Variants in SYT16 observed in about 807,000 individuals in gnomAD.
SYT16 encodes the protein synaptotagmin-16.
Under a neutral mutation model 61.4 loss-of-function variants are expected in SYT16, and 42 were observed. The ratio of observed to expected loss-of-function variants is 0.68; its 90% confidence interval spans 0.53 to 0.89. The LOEUF (loss-of-function observed/expected upper bound fraction) is 0.89, where lower values mean the gene tolerates loss of function less well. Among genes scored for constraint, SYT16 ranks in the 40% least tolerant of loss-of-function variants. The probability of loss-of-function intolerance (pLI) is 0.00; values close to 1 mark genes in which losing one functional copy is unlikely to be tolerated. For synonymous variants in SYT16, 314 were observed against 302.3 expected (o/e 1.04, Z -0.40); for missense variants, 804 against 807.3 (o/e 1.00, Z 0.05).
chr14:62,100,206 A>T (rs1178506357), intron 7 of SYT16, among the ~76,000 whole-genome samples, 188 bp from the exon 8 acceptor site: 3 of 152,204 alleles, frequency 2.0e-5, no homozygotes, highest in Non-Finnish European at 2.9e-5. Flanking sequence ...TATTCAAGGT[A>T]ATAATTCCCT....
intron 3 of SYT16, among the ~76,000 whole-genome samples, chr14:62,035,637 G>A (rs1018984788): frequency 6.6e-6 from 1 of 152,160 alleles, no homozygotes; most frequent in African/African-American, 2.4e-5. Flanking sequence ...GTTGTTCCAC[G>A]CATTGCTTTG....
At chr14:61,819,461 TG>T (rs1261182980) in intron 1 of SYT16, among the ~76,000 whole-genome samples, 1 of 152,254 alleles carries the variant, frequency 6.6e-6, no homozygotes, top group Non-Finnish European at 1.5e-5. Flanking sequence ...TTTACATTTA[TG>T]GATGGATATT....
chr14:61,939,790 A>G (rs2050138102), intron 1 of SYT16, among the ~76,000 whole-genome samples: 1 of 152,156 alleles, frequency 6.6e-6, no homozygotes, highest in South Asian at 2.1e-4. Context: ...AAAAGGACGA[A>G]TGGAAGGACA....
chr14:61,855,631 GA>G (rs1158161770), intron 1 of SYT16, among the ~76,000 whole-genome samples: 1 of 152,120 alleles, frequency 6.6e-6, no homozygotes, highest in African/African-American at 2.4e-5. Flanking sequence ...CTGTAATGTT[GA>G]AAAAAATCTT....
intron 3 of SYT16, among the ~76,000 whole-genome samples, chr14:62,008,079 T>G (rs559451848): frequency 6.6e-6 from 1 of 152,216 alleles, no homozygotes; most frequent in South Asian, 2.1e-4. Flanking sequence ...CTGAGGAATA[T>G]TCTTACCTGT....
chr14:61,920,843 G>A (rs80212533), intron 1 of SYT16, among the ~76,000 whole-genome samples: 4,608 of 152,274 alleles, frequency 0.03, 91 homozygotes, highest in African/African-American at 0.049. Context: ...TTACAGGTGA[G>A]GAAATTGAGG....
At chr14:62,001,075 T>A (rs563759610) in intron 3 of SYT16, among the ~76,000 whole-genome samples, 2 of 152,084 alleles carry the variant, frequency 1.3e-5, no homozygotes, top group African/African-American at 2.4e-5. Context: ...AAATAATTTT[T>A]AAAAACCCCT....
At chr14:61,946,140 A>G (rs2050425756) in intron 1 of SYT16, among the ~76,000 whole-genome samples, 1 of 152,166 alleles carries the variant, frequency 6.6e-6, no homozygotes, top group Non-Finnish European at 1.5e-5. Context: ...GCAAACCACC[A>G]TGGCACGTGT....
At chr14:61,917,953 G>T (rs1485901919) in intron 1 of SYT16, among the ~76,000 whole-genome samples, 2 of 152,158 alleles carry the variant, frequency 1.3e-5, no homozygotes, top group Non-Finnish European at 2.9e-5. Context: ...ATGCTTTCGT[G>T]CATGAAATGA....
At chr14:61,943,105 C>T (rs765682840) in intron 1 of SYT16, among the ~76,000 whole-genome samples, 3 of 152,074 alleles carry the variant, frequency 2.0e-5, no homozygotes, top group Non-Finnish European at 4.4e-5. Flanking sequence ...TATAAACACC[C>T]CTACACAAAT....
At chr14:61,829,869 TGGTCTC>T (rs2045885154) in intron 1 of SYT16, among the ~76,000 whole-genome samples, 1 of 152,078 alleles carries the variant, frequency 6.6e-6, no homozygotes, top group Non-Finnish European at 1.5e-5. Context: ...TTAGCCAGGA[TGGTCTC>T]GATCTCCTGA....
chr14:61,902,337 C>T (rs901494730), intron 1 of SYT16, among the ~76,000 whole-genome samples: 13 of 152,184 alleles, frequency 8.5e-5, no homozygotes, highest in African/African-American at 2.2e-4. Flanking sequence ...TTCTCCCATG[C>T]GCCTGATAAA....
chr14:61,946,970 G>A (rs1040912474), intron 1 of SYT16, among the ~76,000 whole-genome samples: 2 of 152,108 alleles, frequency 1.3e-5, no homozygotes, highest in Admixed American at 1.3e-4. Context: ...AGAGCCATGA[G>A]CTTCCCAGCC....
intron 1 of SYT16, among the ~76,000 whole-genome samples, chr14:61,860,674 G>A (rs776982641): frequency 1.3e-4 from 20 of 152,216 alleles, no homozygotes; most frequent in Admixed American, 2.0e-4. Context: ...AAGAGGCACT[G>A]GGCCAAGAGA....
At chr14:61,949,888 A>G (rs2050601323) in intron 1 of SYT16, among the ~76,000 whole-genome samples, 1 of 152,332 alleles carries the variant, frequency 6.6e-6, no homozygotes, top group East Asian at 1.9e-4. Flanking sequence ...CTTGCTATGA[A>G]ATCAGGGCTT....
At chr14:61,888,838 C>G (rs1012423981) in intron 1 of SYT16, among the ~76,000 whole-genome samples, 2 of 148,464 alleles carry the variant, frequency 1.3e-5, no homozygotes, top group Non-Finnish European at 3.0e-5. Flanking sequence ...CAAGATATAT[C>G]TATTTTTTTC....
At chr14:61,973,637 C>T (rs1180670208) in intron 2 of SYT16, among the ~76,000 whole-genome samples, 4 of 152,018 alleles carry the variant, frequency 2.6e-5, no homozygotes, top group Non-Finnish European at 4.4e-5. Context: ...AAGAATATTT[C>T]GGTTGTTTTG....
At chr14:62,051,274 T>C (rs1012390848) in intron 3 of SYT16, among the ~76,000 whole-genome samples, 3 of 152,246 alleles carry the variant, frequency 2.0e-5, no homozygotes, top group African/African-American at 7.2e-5. Flanking sequence ...CCGAGCCATG[T>C]GCGGGATATA....
At chr14:62,039,873 A>ACACACACACG (rs1355294760) in intron 3 of SYT16, among the ~76,000 whole-genome samples, 2 of 110,218 alleles carry the variant, frequency 1.8e-5, no homozygotes, top group African/African-American at 6.3e-5. Context: ...ACACACACAC[A>ACACACACACG]CACACGCACA....
Sources: allele counts gnomAD v4.1 joint callset (sites outside exome capture counted in the v4.1 genomes callset), GRCh38; gene constraint gnomAD v4.1.1; transcripts MANE v1.5; gene names NCBI Gene and HGNC (gene_info 2026-07-23, HGNC 2026-07-21).